TIGAR: variants seen among roughly 807,000 people sequenced by gnomAD.
The protein encoded by TIGAR is fructose-2,6-bisphosphatase TIGAR.
A neutral mutation model predicts 17.9 loss-of-function variants in TIGAR; 7 were observed. The observed-to-expected ratio is 0.39, with a 90% CI of 0.22 to 0.73. The LOEUF (loss-of-function observed/expected upper bound fraction) is 0.73, where lower values mean the gene tolerates loss of function less well. Ranked by LOEUF, TIGAR falls within the 30% of genes least tolerant of loss-of-function variation. The pLI, the probability that TIGAR is intolerant of heterozygous loss-of-function variation, is 0.42. For synonymous variants in TIGAR, 94 were observed against 108.6 expected (o/e 0.87, Z 0.84); for missense variants, 258 against 327.4 (o/e 0.79, Z 1.64).
intron 1 of TIGAR, among the ~76,000 whole-genome samples, chr12:4,329,487 C>T (rs1035847483): frequency 1.3e-5 from 2 of 151,680 alleles, no homozygotes; most frequent in African/African-American, 4.9e-5. Context: ...TACAGACGCC[C>T]GCCACCACGC....
intron 1 of TIGAR, among the ~76,000 whole-genome samples, chr12:4,328,390 C>A (rs1864569173): frequency 6.6e-6 from 1 of 151,944 alleles, no homozygotes; most frequent in Non-Finnish European, 1.5e-5. Context: ...CAGGATTCTA[C>A]CATGTTGGCC....
chr12:4,349,263 A>AC (rs1864812401), intron 3 of TIGAR, among the ~76,000 whole-genome samples: 1 of 152,356 alleles, frequency 6.6e-6, no homozygotes, highest in Admixed American at 6.5e-5. Context: ...CCAGTAAAAT[A>AC]CTTTATTTGC....
intron 1 of TIGAR, among the ~76,000 whole-genome samples, chr12:4,327,727 G>A (rs1397666300): frequency 1.3e-5 from 2 of 152,142 alleles, no homozygotes; most frequent in African/African-American, 4.8e-5. Flanking sequence ...GTTTTTGAGG[G>A]CGCAATCTCG....
chr12:4,324,387 G>T, intron 1 of TIGAR: 2 of 1,086,878 alleles, frequency 1.8e-6, no homozygotes, highest in Non-Finnish European at 2.8e-6. Context: ...TGAGGGGGAT[G>T]AAGCGGGAGG....
In TIGAR at chr12:4,352,730, T is replaced by A; in HGVS notation, c.*39T>A. On this transcript the variant is annotated 3_prime_UTR_variant, in exon 6 of 6. Coordinates refer to ENST00000179259, the MANE Select transcript of TIGAR (RefSeq NM_020375.3). ...TCAAAATCTAACCATTTTGAGCCTC[T>A]GAAGGGAGTGCCATTGGCTTTATTT... is the stretch of plus-strand genomic sequence containing the variant. 6.4e-7 allele frequency: 1 copy of A among 1,556,104 alleles called. No homozygotes were observed. The highest frequency in any genetic ancestry group is 8.7e-7 in the Non-Finnish European group (1 of 1,154,884).
chr12:4,355,124 AGAC>A lies in TIGAR; in HGVS notation c.*2434_*2436del, dbSNP rs1864885156. 6.6e-6 allele frequency among the ~76,000 whole-genome samples: 1 copy of A among 152,196 alleles called. No individual in the cohort carries two copies. Among genetic ancestry groups the A allele is most frequent in the African/African-American group, 2.4e-5 (1 of 41,436 alleles). ...GTTTTTTTGGTGTGTATCTTTAAGA[AGAC>A]TTCTCTACCATGAGGTCATACAGTA... On this transcript the variant is annotated 3_prime_UTR_variant, in exon 6 of 6. Coordinates refer to ENST00000179259, the MANE Select transcript of TIGAR (RefSeq NM_020375.3).
rs1447062380 is a variant in TIGAR, at chr12:4,356,375, G to C, written c.*3684G>C. 6.6e-6 allele frequency among the ~76,000 whole-genome samples: 1 copy of C among 151,908 alleles called. No individual in the cohort carries two copies. The highest frequency in any genetic ancestry group is 1.5e-5 in the Non-Finnish European group (1 of 67,998). ...GATATTTTATTTGTAATATTTTCCC[G>C]GTTTTTGATTGTTTTTTAACAAATG... On this transcript the variant is annotated 3_prime_UTR_variant, in exon 6 of 6. Transcript: ENST00000179259.
intron 1 of TIGAR, chr12:4,324,659 G>T: frequency 8.1e-7 from 1 of 1,240,896 alleles, no homozygotes; most frequent in Non-Finnish European, 1.2e-6. Context: ...TTCTGTTTCC[G>T]CCGCAGGCCC....
intron 1 of TIGAR, among the ~76,000 whole-genome samples, chr12:4,328,524 A>T (rs1021315214): frequency 3.3e-5 from 5 of 150,960 alleles, no homozygotes; most frequent in Non-Finnish European, 7.4e-5. Flanking sequence ...AACAACAATG[A>T]TAATGGCAAA....
chr12:4,352,282 T>A lies in TIGAR; in HGVS notation c.404T>A (p.Phe135Tyr), dbSNP rs775119267. Residue 135 changes from phenylalanine to tyrosine, a missense_variant, in exon 6 of 6, where the codon TTT (phenylalanine) becomes TAT (tyrosine). Transcript: ENST00000179259. ...TAGGTGAAAATGCGTGGAATAGACT[T>A]TTTTGAATTTCTTTGTCAACTAATC... Reference protein sequence around the residue: ...LDQVKMRGIDFFEFLCQLILK... With the variant: ...LDQVKMRGIDYFEFLCQLILK... The A allele has an allele frequency of 1.2e-6, 2 of 1,612,172 alleles. No homozygotes were observed. The highest frequency in any genetic ancestry group is 3.3e-5 in the Admixed American group (2 of 59,764).
In TIGAR at chr12:4,352,822, A is replaced by G; in HGVS notation, c.*131A>G. 1.3e-6 allele frequency: 1 copy of G among 778,186 alleles called. No individual in the cohort carries two copies. Among genetic ancestry groups the G allele is most frequent in the Non-Finnish European group, 2.0e-6 (1 of 500,052 alleles). 48.2% of individuals were successfully genotyped at this position (778,186 alleles called of 1,614,324 possible). ...GCCAATTTTTAGCTCCAGTGGAACC[A>G]TAGCCACATAAAACTTTAATGGACA... On this transcript the variant is annotated 3_prime_UTR_variant, in exon 6 of 6. Transcript: ENST00000179259.
At chr12:4,348,284 A>G (rs746192372) in intron 3 of TIGAR, among the ~76,000 whole-genome samples, 12 of 152,342 alleles carry the variant, frequency 7.9e-5, no homozygotes, top group East Asian at 3.9e-4. Context: ...AATATTGACA[A>G]TTTTACAGAA....
At position 4,352,582 on chromosome 12, in the gene TIGAR, T is replaced by C; in HGVS notation, c.704T>C (p.Met235Thr). The C allele has an allele frequency of 1.2e-6, 2 of 1,613,566 alleles. No individual in the cohort carries two copies. The highest frequency in any genetic ancestry group is 2.2e-5 in the South Asian group (2 of 91,080). Reference sequence around the variant, plus strand: ...ATGTCAGTCACTCCCAATACAGGGATGAGTCTCTTTATCATAAACTTTGAG... The same window carrying C: ...ATGTCAGTCACTCCCAATACAGGGACGAGTCTCTTTATCATAAACTTTGAG... ...ELMSVTPNTGMSLFIINFEEG... is the reference protein window; with the variant it reads ...ELMSVTPNTGTSLFIINFEEG... Residue 235 changes from methionine to threonine, a missense_variant, in exon 6 of 6, where the codon ATG becomes ACG. Transcript: ENST00000179259.
chr12:4,328,811 G>A (rs1011475637), intron 1 of TIGAR, among the ~76,000 whole-genome samples: 4 of 150,536 alleles, frequency 2.7e-5, no homozygotes, highest in Non-Finnish European at 5.9e-5. Context: ...TCCTGACCTC[G>A]TGATCTGCCC....
In TIGAR at chr12:4,352,472, C is replaced by T. The variant is rs771017983; in HGVS notation, c.594C>T (p.His198=). ...GLAASVLVVS[H]GAYMRSLFDY... is the part of the protein sequence containing the mutation. Reference sequence around the variant, plus strand: ...CAGCCAGTGTCTTAGTTGTGAGTCACGGTGCTTACATGAGAAGTCTGTTTG... The same window carrying T: ...CAGCCAGTGTCTTAGTTGTGAGTCATGGTGCTTACATGAGAAGTCTGTTTG... The change falls in exon 6 of 6, where the codon CAC becomes CAT. Residue 198 remains histidine (H), a synonymous_variant. Coordinates refer to ENST00000179259, the MANE Select transcript of TIGAR (RefSeq NM_020375.3). The T allele has an allele frequency of 1.9e-5, 31 of 1,614,106 alleles. No homozygotes were observed. The East Asian group carries it at 2.9e-4, about 15-fold the overall frequency.
intron 1 of TIGAR, among the ~76,000 whole-genome samples, chr12:4,328,316 C>T (rs530665984): frequency 6.6e-6 from 1 of 151,836 alleles, no homozygotes; most frequent in Admixed American, 6.6e-5. Flanking sequence ...CTCAGCCTCC[C>T]GAATAGCTGG....
rs1864946496 is a variant in TIGAR, at chr12:4,359,107, G to GC, written c.*6416_*6417insC. ...CCTTTATTGTTTATTTTCTGACTCT[G>GC]TTTTTTTTTTCTTTAGCCAACTCAC... On this transcript the variant is annotated 3_prime_UTR_variant, in exon 6 of 6. Coordinates refer to ENST00000179259, the MANE Select transcript of TIGAR (RefSeq NM_020375.3). Among the ~76,000 whole-genome samples the GC allele has an allele frequency of 1.3e-5, 2 of 148,700 alleles. No individual in the cohort carries two copies. Among genetic ancestry groups the GC allele is most frequent in the African/African-American group, 2.5e-5 (1 of 40,546 alleles).
Position 4,321,227 on chromosome 12 carries a change from G to A in TIGAR, c.-45G>A, listed in dbSNP as rs1244857957. 3 of 1,599,146 alleles carry A rather than the reference G, an allele frequency of 1.9e-6. No individual in the cohort carries two copies. The highest frequency in any genetic ancestry group is 1.7e-5 in the Admixed American group (1 of 59,984). ...GTGGGGGAGGTAGCCCGCAGTGCAG[G>A]GGCAGCGCGGCGCGGGGCCACCGAC... On this transcript the variant is annotated 5_prime_UTR_variant, in exon 1 of 6. Transcript: ENST00000179259. This position sits in a 1 kb window ranked among gnomAD's most constrained non-coding sequence, Gnocchi z 5.2.
In TIGAR at chr12:4,321,243, G is replaced by A. The variant is rs1034641726; in HGVS notation, c.-29G>A. Reference sequence around the variant, plus strand: ...GCAGTGCAGGGGCAGCGCGGCGCGGGGCCACCGACGGGACGCGGCTCCGGG... The same window carrying A: ...GCAGTGCAGGGGCAGCGCGGCGCGGAGCCACCGACGGGACGCGGCTCCGGG... On this transcript the variant is annotated 5_prime_UTR_variant, in exon 1 of 6. Transcript: ENST00000179259. This position sits in a 1 kb window ranked among gnomAD's most constrained non-coding sequence, Gnocchi z 5.2. The A allele has an allele frequency of 1.2e-6, 2 of 1,600,124 alleles. No homozygotes were observed. The highest frequency in any genetic ancestry group is 1.7e-6 in the Non-Finnish European group (2 of 1,179,736).
Sources: gnomAD v4.1 joint callset for allele counts (sites outside exome capture counted in the v4.1 genomes callset) on GRCh38, gnomAD v4.1.1 for gene constraint, Gnocchi (gnomAD v3.1) non-coding constraint, MANE v1.5 for transcripts, NCBI Gene and HGNC (gene_info 2026-07-23, HGNC 2026-07-21) for gene names.